ROCK2: variants seen among roughly 807,000 people sequenced by gnomAD.
ROCK2 encodes Rho associated coiled-coil containing protein kinase 2, also known as rho-associated protein kinase 2.
Under a neutral mutation model 195.1 loss-of-function variants are expected in ROCK2, and 61 were observed. The observed-to-expected ratio is 0.31, with a 90% CI of 0.25 to 0.39. The LOEUF (loss-of-function observed/expected upper bound fraction) is 0.39, where lower values mean the gene tolerates loss of function less well. Among genes scored for constraint, ROCK2 ranks in the 10% least tolerant of loss-of-function variants. The pLI is 1.00. For missense variants in ROCK2, 1,109 were observed against 1,637.4 expected (o/e 0.68, Z 5.57); for synonymous variants, 504 against 545.5 (o/e 0.92, Z 1.06).
rs933952716 is a variant in ROCK2, at chr2:11,202,371, G to A, written c.2550-250C>T. Among the ~76,000 whole-genome samples the A allele has an allele frequency of 4.6e-5, 7 of 151,872 alleles. No homozygotes were observed. The South Asian group carries it at 8.3e-4, about 18-fold the overall frequency. Reference sequence around the variant, plus strand: ...ACATCATTCTGATGGCTAAAATAACGTGTTTGTGTGTTCCTGTGTTTTAAA... The same window carrying A: ...ACATCATTCTGATGGCTAAAATAACATGTTTGTGTGTTCCTGTGTTTTAAA... On this transcript the variant is annotated intron_variant, in intron 20 of 32. Transcript: ENST00000315872.
upstream of ROCK2, among the ~76,000 whole-genome samples, chr2:11,345,296 A>G (rs1370915289): frequency 1.3e-5 from 2 of 152,138 alleles, no homozygotes; most frequent in African/African-American, 4.8e-5. Context: ...ACGGGAGAGC[A>G]CCGGAAAAAG....
intron 1 of ROCK2, among the ~76,000 whole-genome samples, chr2:11,318,550 T>C (rs1335064038): frequency 6.6e-6 from 1 of 152,212 alleles, no homozygotes; most frequent in Non-Finnish European, 1.5e-5. Context: ...TCCCATTCTA[T>C]AGGTTGCCTG....
intron 1 of ROCK2, among the ~76,000 whole-genome samples, chr2:11,328,307 G>T (rs562373883): frequency 6.6e-6 from 1 of 151,816 alleles, no homozygotes; most frequent in Non-Finnish European, 1.5e-5. Flanking sequence ...GCTACATTTG[G>T]GGGGGGAAAC....
intron 1 of ROCK2, among the ~76,000 whole-genome samples, chr2:11,295,793 C>T (rs1558369171): frequency 6.6e-6 from 1 of 151,986 alleles, no homozygotes; most frequent in East Asian, 1.9e-4. Flanking sequence ...CCCGTCTCTA[C>T]TAAAAATACA....
intron 1 of ROCK2, among the ~76,000 whole-genome samples, chr2:11,304,082 T>C (rs373456298): frequency 1.3e-5 from 2 of 152,242 alleles, no homozygotes; most frequent in African/African-American, 4.8e-5. Flanking sequence ...GCCTCCTCTC[T>C]CAAATTCACT....
At chr2:11,324,286 T>C (rs1249600649) in intron 1 of ROCK2, among the ~76,000 whole-genome samples, 2 of 151,998 alleles carry the variant, frequency 1.3e-5, no homozygotes, top group Non-Finnish European at 2.9e-5. Context: ...AATACAAAAA[T>C]TAGCTGGGCA....
intron 4 of ROCK2, among the ~76,000 whole-genome samples, chr2:11,243,488 TCAA>T (rs1169143344): frequency 4.6e-5 from 7 of 152,170 alleles, no homozygotes; most frequent in African/African-American, 1.7e-4. Flanking sequence ...ATGCTTGAGG[TCAA>T]CATTAACAGT....
chr2:11,236,312 A>G (rs185921488), intron 4 of ROCK2, among the ~76,000 whole-genome samples: 1 of 152,186 alleles, frequency 6.6e-6, no homozygotes, highest in African/African-American at 2.4e-5. Context: ...AATTTAAAAA[A>G]AACAGCTTTC....
In ROCK2 at chr2:11,223,705, T is replaced by TG. The variant is rs1240997728; in HGVS notation, c.1007+616dup. 1.5e-4 allele frequency among the ~76,000 whole-genome samples: 23 copies of TG among 152,114 alleles called. 1 individual carries two copies. Among genetic ancestry groups the TG allele is most frequent in the Admixed American group, 1.5e-3 (23 of 15,270 alleles). ...TGTATATGTTGGTCCTTTGACAGGA[T>TG]GACTCCTATCACAAATATAAAACGG... On this transcript the variant is annotated intron_variant, in intron 7 of 32. Transcript: ENST00000315872.
At chr2:11,292,286 A>G (rs1035069425) in intron 1 of ROCK2, among the ~76,000 whole-genome samples, 2 of 152,134 alleles carry the variant, frequency 1.3e-5, no homozygotes, top group Non-Finnish European at 1.5e-5. Context: ...TACAGCATAT[A>G]TTATTAACAG....
chr2:11,211,935 T>C, intron 17 of ROCK2, 95 bp from the exon 18 acceptor site: 1 of 933,030 alleles, frequency 1.1e-6, no homozygotes, highest in Non-Finnish European at 1.5e-6. Context: ...AGACAGAGTC[T>C]TGCTCTGTTA....
Position 11,201,318 on chromosome 2 carries a change from C to T in ROCK2, c.2715G>A (p.Gln905=). The stretch of plus-strand genomic sequence containing the variant: ...AAGGGTCTCATACTTACCGTTCATC[C>T]TGTAATTCCTGTTTCTTCTGCTGCA... The part of the protein sequence containing the change: ...KELQQKKQEL[Q]DERDSLAAQL... The change falls in exon 22 of 33, where the codon CAG becomes CAA. Residue 905 remains glutamine (Q), a synonymous_variant. Coordinates refer to ENST00000315872, the MANE Select transcript of ROCK2 (RefSeq NM_004850.5). The surrounding 1 kb of genome is among the most constrained non-coding windows in gnomAD (Gnocchi z 4.6). The T allele has an allele frequency of 1.9e-6, 3 of 1,607,000 alleles. No individual in the cohort carries two copies. The highest frequency in any genetic ancestry group is 2.6e-6 in the Non-Finnish European group (3 of 1,173,980).
chr2:11,311,812 C>T (rs1279840002), intron 1 of ROCK2, among the ~76,000 whole-genome samples: 1 of 152,122 alleles, frequency 6.6e-6, no homozygotes, highest in African/African-American at 2.4e-5. Flanking sequence ...AGAAACTTAA[C>T]ATAAACTTCA....
At chr2:11,281,225 A>AC (rs1558355440) in intron 3 of ROCK2, among the ~76,000 whole-genome samples, 6 of 151,626 alleles carry the variant, frequency 4.0e-5, no homozygotes, top group African/African-American at 9.7e-5. Flanking sequence ...AAAAAAAAAA[A>AC]AAAAAACCTC....
intron 20 of ROCK2, among the ~76,000 whole-genome samples, chr2:11,206,867 A>T (rs1664069696): frequency 6.6e-6 from 1 of 152,200 alleles, no homozygotes; most frequent in Non-Finnish European, 1.5e-5. Context: ...GGCTTAGAGA[A>T]ATTAAATCAT....
At chr2:11,205,730 G>GT (rs1175733614) in intron 20 of ROCK2, among the ~76,000 whole-genome samples, 2 of 151,646 alleles carry the variant, frequency 1.3e-5, no homozygotes, top group East Asian at 3.9e-4. Flanking sequence ...ATCTTTCATA[G>GT]TAACTACTAC....
chr2:11,226,143 C>T (rs1435538440), intron 6 of ROCK2, among the ~76,000 whole-genome samples: 1 of 152,146 alleles, frequency 6.6e-6, no homozygotes, highest in Admixed American at 6.6e-5. Flanking sequence ...TTAGCCTTGA[C>T]ATACTTGCCT....
intron 17 of ROCK2, among the ~76,000 whole-genome samples, chr2:11,213,428 A>C (rs1171450131): frequency 1.3e-5 from 2 of 151,936 alleles, no homozygotes; most frequent in Admixed American, 1.3e-4. Flanking sequence ...CTTACATAAC[A>C]ACCACATTGT....
In ROCK2 at chr2:11,235,734, C is replaced by A; in HGVS notation, c.691G>T (p.Ala231Ser). 6.2e-7 allele frequency: 1 copy of A among 1,612,238 alleles called. No individual in the cohort carries two copies. The highest frequency in any genetic ancestry group is 8.5e-7 in the Non-Finnish European group (1 of 1,179,320). ...LLDKHGHLKL[A>S]DFGTCMKMDE... ...ATCTTCATACACGTGCCAAAATCTG[C>A]TAATTTTAGATGTCCATGTTTATCC... The change falls in exon 5 of 33, where the codon GCA becomes TCA. Residue 231 changes from alanine to serine, a missense_variant. Ala to Ser is a moderately conservative substitution (Grantham distance 99). Coordinates refer to ENST00000315872, the MANE Select transcript of ROCK2 (RefSeq NM_004850.5). This position sits in a 1 kb window ranked among gnomAD's most constrained non-coding sequence, Gnocchi z 4.2.
Sources: allele counts gnomAD v4.1 joint callset (sites outside exome capture counted in the v4.1 genomes callset), GRCh38; gene constraint gnomAD v4.1.1; non-coding constraint Gnocchi (gnomAD v3.1); transcripts MANE v1.5; gene names NCBI Gene and HGNC (gene_info 2026-07-23, HGNC 2026-07-21).